RPTOR: variants seen among roughly 807,000 people sequenced by gnomAD.
The protein encoded by RPTOR is regulatory associated protein of MTOR complex 1, also known as regulatory-associated protein of mTOR.
Under a neutral mutation model 169.9 loss-of-function variants are expected in RPTOR, and 21 were observed. The observed-to-expected ratio is 0.12, with a 90% CI of 0.09 to 0.18. The LOEUF is 0.18. RPTOR is among the 10% of genes least tolerant of loss of function. The pLI is 1.00. For missense variants in RPTOR, 1,133 were observed against 1,855.9 expected (o/e 0.61, Z 7.16); for synonymous variants, 732 against 753.2 (o/e 0.97, Z 0.46).
At chr17:80,902,166 G>A (rs1190268746) in intron 20 of RPTOR, among the ~76,000 whole-genome samples, 2 of 152,142 alleles carry the variant, frequency 1.3e-5, no homozygotes, top group Non-Finnish European at 2.9e-5. Flanking sequence ...AGGCCTCGTT[G>A]CCCTGGGTCT....
chr17:80,808,230 G>A (rs2067239066), intron 7 of RPTOR, among the ~76,000 whole-genome samples: 2 of 152,056 alleles, frequency 1.3e-5, no homozygotes, highest in South Asian at 4.1e-4. Context: ...TTCAAGACCA[G>A]CCTGAGCAAC....
At chr17:80,684,507 T>C (rs2065921914) in intron 3 of RPTOR, among the ~76,000 whole-genome samples, 1 of 151,106 alleles carries the variant, frequency 6.6e-6, no homozygotes, top group East Asian at 2.0e-4. Context: ...TGCAGTGGTG[T>C]GATCTCGGCT....
intron 31 of RPTOR, chr17:80,961,723 A>C: frequency 2.0e-6 from 1 of 502,508 alleles, no homozygotes; most frequent in Non-Finnish European, 3.5e-6. Context: ...TGGGCTGCCA[A>C]CTGCGGAGGG....
At chr17:80,899,499 A>G (rs1413958970) in intron 20 of RPTOR, among the ~76,000 whole-genome samples, 2 of 152,338 alleles carry the variant, frequency 1.3e-5, no homozygotes, top group East Asian at 3.9e-4. Context: ...TCCTGTGAAT[A>G]GCTCTCTAGC....
At chr17:80,841,115 C>CGCAGCTCACACTCACCGCACG (rs2067642391) in intron 10 of RPTOR, among the ~76,000 whole-genome samples, 1 of 55,946 alleles carries the variant, frequency 1.8e-5, no homozygotes, top group African/African-American at 1.2e-4. Flanking sequence ...CTCTCTGCAC[C>CGCAGCTCACACTCACCGCACG]GCAGCTCACA....
At chr17:80,887,501 G>C (rs577937224) in intron 17 of RPTOR, among the ~76,000 whole-genome samples, 27 of 152,172 alleles carry the variant, frequency 1.8e-4, no homozygotes, top group Admixed American at 1.8e-3. Context: ...CTCTGCAGGG[G>C]ACTTGGGCAC....
At chr17:80,654,400 G>A (rs1349984262) in intron 3 of RPTOR, among the ~76,000 whole-genome samples, 3 of 152,336 alleles carry the variant, frequency 2.0e-5, no homozygotes, top group East Asian at 3.9e-4. Flanking sequence ...CGTGGAAGAC[G>A]GCGCAGTCCA....
At chr17:80,784,415 G>A (rs754352088) in intron 6 of RPTOR, among the ~76,000 whole-genome samples, 3 of 151,640 alleles carry the variant, frequency 2.0e-5, no homozygotes, top group Non-Finnish European at 4.4e-5. Context: ...TTTTGAGATG[G>A]AGTTTCACTC....
chr17:80,621,250 G>T (rs2065351950), intron 1 of RPTOR, among the ~76,000 whole-genome samples: 1 of 152,144 alleles, frequency 6.6e-6, no homozygotes, highest in Admixed American at 6.5e-5. Context: ...GATGATTCTT[G>T]GGCTTCTATT....
chr17:80,775,374 G>A (rs1279401116), intron 6 of RPTOR, among the ~76,000 whole-genome samples: 2 of 152,158 alleles, frequency 1.3e-5, no homozygotes, highest in Non-Finnish European at 2.9e-5. Flanking sequence ...GCTTTCCAAA[G>A]TACTGAGACT....
intron 13 of RPTOR, among the ~76,000 whole-genome samples, chr17:80,876,835 C>T (rs2068122708): frequency 7.2e-6 from 1 of 139,524 alleles, no homozygotes. Context: ...GGTCTTCCAC[C>T]GAGCCCGTGC....
intron 2 of RPTOR, among the ~76,000 whole-genome samples, chr17:80,635,444 G>A (rs774961235): frequency 1.9e-4 from 29 of 152,294 alleles, no homozygotes; most frequent in Non-Finnish European, 2.8e-4. Context: ...CTGGTCAGCC[G>A]AGGGAAGGAT....
chr17:80,795,172 C>T (rs1291151654), intron 7 of RPTOR, among the ~76,000 whole-genome samples: 2 of 152,078 alleles, frequency 1.3e-5, no homozygotes, highest in African/African-American at 2.4e-5. Flanking sequence ...GCCTGGGGAG[C>T]GAGGGGTGCA....
chr17:80,890,486 C>T (rs1320891120), intron 17 of RPTOR, among the ~76,000 whole-genome samples: 1 of 148,398 alleles, frequency 6.7e-6, no homozygotes, highest in Non-Finnish European at 1.5e-5. Flanking sequence ...GGGGCGTGGG[C>T]CATGGCCGTG....
chr17:80,855,662 C>T (rs2067844018), intron 12 of RPTOR, 115 bp downstream of exon 12: 1 of 800,928 alleles, frequency 1.2e-6, no homozygotes, highest in East Asian at 2.5e-5. Flanking sequence ...CCGTGAGACC[C>T]AGGGCGAGTG....
At chr17:80,645,757 A>G (rs755289316) in intron 3 of RPTOR, among the ~76,000 whole-genome samples, 6 of 152,190 alleles carry the variant, frequency 3.9e-5, no homozygotes, top group Non-Finnish European at 8.8e-5. Context: ...AGGGAAGGTG[A>G]CCTTTACATG....
intron 7 of RPTOR, 88 bp from the exon 8 acceptor site, chr17:80,822,113 G>A (rs376592931): frequency 3.9e-5 from 48 of 1,238,440 alleles, no homozygotes; most frequent in African/African-American, 1.9e-4. Context: ...GCCTTTCGCC[G>A]CCCGCGCCCT....
intron 3 of RPTOR, among the ~76,000 whole-genome samples, chr17:80,676,780 G>A (rs1258307417): frequency 6.6e-6 from 1 of 152,202 alleles, no homozygotes. Flanking sequence ...GTGGCCTCAG[G>A]CTCTGTCCCT....
intron 3 of RPTOR, among the ~76,000 whole-genome samples, chr17:80,645,081 T>G (rs145541896): frequency 6.6e-6 from 1 of 152,216 alleles, no homozygotes; most frequent in East Asian, 1.9e-4. Context: ...GCATGAGGAC[T>G]GGAGAGAGAT....
Sources: gnomAD v4.1 joint callset for allele counts (sites outside exome capture counted in the v4.1 genomes callset) on GRCh38, gnomAD v4.1.1 for gene constraint, MANE v1.5 for transcripts, NCBI Gene and HGNC (gene_info 2026-07-23, HGNC 2026-07-21) for gene names.